PTPRE: variants seen among roughly 807,000 people sequenced by gnomAD.
PTPRE encodes receptor-type tyrosine-protein phosphatase epsilon.
In PTPRE, 51 loss-of-function variants were observed where a neutral mutation model predicts 102.0. The observed-to-expected ratio is 0.50, with a 90% CI of 0.40 to 0.63. The LOEUF is 0.63. Among genes scored for constraint, PTPRE ranks in the 30% least tolerant of loss-of-function variants. PTPRE has a pLI of 0.00. For missense variants in PTPRE, 752 were observed against 915.1 expected (o/e 0.82, Z 2.30); for synonymous variants, 345 against 348.2 (o/e 0.99, Z 0.10).
At chr10:127,960,435 C>G (rs1849705549) in intron 1 of PTPRE, among the ~76,000 whole-genome samples, 1 of 152,222 alleles carries the variant, frequency 6.6e-6, no homozygotes, top group Non-Finnish European at 1.5e-5. Flanking sequence ...GCCTTGGGCC[C>G]TTTGATCACT....
At chr10:128,010,644 G>GGCAGTGAGT (rs1446835785) in intron 2 of PTPRE, among the ~76,000 whole-genome samples, 1 of 149,976 alleles carries the variant, frequency 6.7e-6, no homozygotes, top group African/African-American at 2.4e-5. Context: ...GGGCAGTGAG[G>GGCAGTGAGT]GCAGTGGCGC....
intron 6 of PTPRE, among the ~76,000 whole-genome samples, chr10:128,055,394 C>T (rs535946010): frequency 1.1e-4 from 17 of 152,286 alleles, no homozygotes; most frequent in East Asian, 3.9e-4. Context: ...AGGGGCCCCG[C>T]GGCATTCCTT....
chr10:127,956,533 C>T (rs1042634876), intron 1 of PTPRE, among the ~76,000 whole-genome samples: 1 of 152,208 alleles, frequency 6.6e-6, no homozygotes, highest in Non-Finnish European at 1.5e-5. Flanking sequence ...CTGCTATATA[C>T]ATACATATGT....
At chr10:128,005,628 C>T (rs922932296) in intron 2 of PTPRE, among the ~76,000 whole-genome samples, 2 of 152,198 alleles carry the variant, frequency 1.3e-5, no homozygotes, top group African/African-American at 4.8e-5. Flanking sequence ...TGCTGCTGGA[C>T]ACCTCTGGGC....
Position 128,085,750 on chromosome 10 carries a change from C to T in PTPRE, c.*2844C>T, listed in dbSNP as rs1192138522. Reference sequence around the variant, plus strand: ...TCTTTGATTACATTTATAATTTGATCTTGCTCTGATTATAATGCCAGTGAA... The same window carrying T: ...TCTTTGATTACATTTATAATTTGATTTTGCTCTGATTATAATGCCAGTGAA... On this transcript the variant is annotated 3_prime_UTR_variant, in exon 21 of 21. Transcript: ENST00000254667. The T allele has an allele frequency of 6.6e-6, 1 of 152,364 alleles. No homozygotes were observed. The highest frequency in any genetic ancestry group is 2.4e-5 in the African/African-American group (1 of 41,362). 9.4% of individuals were successfully genotyped at this position (152,364 alleles called of 1,614,324 possible).
chr10:127,928,461 A>G (rs1013554495), intron 1 of PTPRE, among the ~76,000 whole-genome samples: 1 of 152,244 alleles, frequency 6.6e-6, no homozygotes, highest in African/African-American at 2.4e-5. Context: ...TCAAATGTAC[A>G]GGGACCATCG....
At chr10:128,063,622 G>A (rs781778829) in intron 10 of PTPRE, among the ~76,000 whole-genome samples, 2 of 152,206 alleles carry the variant, frequency 1.3e-5, no homozygotes, top group African/African-American at 2.4e-5. Flanking sequence ...TTTGTCATCC[G>A]AATATATTTA....
In PTPRE at chr10:128,038,404, A is replaced by G. The variant is rs145407941; in HGVS notation, c.-7-2471A>G. Among the ~76,000 whole-genome samples, 310 of 152,306 alleles carry G rather than the reference A, an allele frequency of 2.0e-3. 1 individual carries two copies. The highest frequency in any genetic ancestry group is 3.0e-3 in the Non-Finnish European group (201 of 68,030). ...TCACAATAGCAAAGACTTGGAACCAACCCAAATGTCCAACAATGAGAGATT... is the reference window on the plus strand; with the variant it reads ...TCACAATAGCAAAGACTTGGAACCAGCCCAAATGTCCAACAATGAGAGATT... On this transcript the variant is annotated intron_variant, in intron 2 of 20. Transcript: ENST00000254667.
At chr10:128,003,934 C>T (rs769386104) in intron 2 of PTPRE, among the ~76,000 whole-genome samples, 1 of 151,998 alleles carries the variant, frequency 6.6e-6, no homozygotes, top group Non-Finnish European at 1.5e-5. Context: ...CACCCATTCC[C>T]ACCCCAGCGC....
intron 1 of PTPRE, among the ~76,000 whole-genome samples, chr10:127,955,449 C>G (rs1849336969): frequency 6.6e-6 from 1 of 152,154 alleles, no homozygotes; most frequent in African/African-American, 2.4e-5. Flanking sequence ...GTTACAGAAA[C>G]AGACTGTTAT....
At chr10:128,002,472 C>T (rs1235247704) in intron 2 of PTPRE, among the ~76,000 whole-genome samples, 2 of 151,922 alleles carry the variant, frequency 1.3e-5, no homozygotes, top group East Asian at 1.9e-4. Context: ...AGAACAGGTG[C>T]CAAGGAAGGA....
At chr10:127,926,162 T>C (rs1272876064) in intron 1 of PTPRE, among the ~76,000 whole-genome samples, 1 of 152,230 alleles carries the variant, frequency 6.6e-6, no homozygotes, top group Non-Finnish European at 1.5e-5. Flanking sequence ...AGTTTTCCCT[T>C]TTGCTCACGG....
chr10:128,045,580 C>A (rs2135826233), intron 3 of PTPRE, among the ~76,000 whole-genome samples: 1 of 152,308 alleles, frequency 6.6e-6, no homozygotes, highest in South Asian at 2.1e-4. Context: ...TGAGCAGCAG[C>A]CAGGCCCTCC....
intron 1 of PTPRE, among the ~76,000 whole-genome samples, chr10:127,969,961 G>C (rs943515023): frequency 6.6e-5 from 10 of 152,212 alleles, no homozygotes; most frequent in Non-Finnish European, 4.4e-5. Context: ...GGGAGGCAAA[G>C]CTGTCTCCTC....
intron 1 of PTPRE, among the ~76,000 whole-genome samples, chr10:127,960,300 G>A (rs1849699354): frequency 6.6e-6 from 1 of 152,216 alleles, no homozygotes; most frequent in Non-Finnish European, 1.5e-5. Context: ...CCCAGCAAGT[G>A]AGCGCTGAGT....
chr10:127,925,379 A>G (rs542208486), intron 1 of PTPRE, among the ~76,000 whole-genome samples: 15 of 152,288 alleles, frequency 9.8e-5, no homozygotes, highest in African/African-American at 3.6e-4. Flanking sequence ...TCCAAACAGT[A>G]TGTATGGGTG....
intron 10 of PTPRE, 68 bp from the exon 11 acceptor site, chr10:128,066,007 G>T (rs1303051871): frequency 6.2e-7 from 1 of 1,609,728 alleles, no homozygotes; most frequent in East Asian, 2.2e-5. Flanking sequence ...TTCTGTAGTT[G>T]GGTGGGGGGA....
chr10:128,061,064 C>T lies in PTPRE; in HGVS notation c.588+49C>T, dbSNP rs1466746853. ...TCCCCTGGCCCAGCTGGGGCATGAG[C>T]AGTAAGCACTTTCTTGTCTGGTGCC... is the stretch of plus-strand genomic sequence containing the variant. On this transcript the variant is annotated intron_variant, in intron 8 of 20. Transcript: ENST00000254667. 3 of 1,563,158 alleles carry T rather than the reference C, an allele frequency of 1.9e-6. No individual in the cohort carries two copies. The African/African-American group carries it at 4.1e-5, about 21-fold the overall frequency.
At chr10:127,965,746 C>T (rs965480857) in intron 1 of PTPRE, among the ~76,000 whole-genome samples, 3 of 152,198 alleles carry the variant, frequency 2.0e-5, no homozygotes, top group Non-Finnish European at 2.9e-5. Context: ...CTGTGAACCT[C>T]GTATCTGCCC....
Sources: allele counts gnomAD v4.1 joint callset (sites outside exome capture counted in the v4.1 genomes callset), GRCh38; gene constraint gnomAD v4.1.1; transcripts MANE v1.5; gene names NCBI Gene and HGNC (gene_info 2026-07-23, HGNC 2026-07-21).